NOSTRIN: variants seen among roughly 807,000 people sequenced by gnomAD.
NOSTRIN encodes the protein BM247 homolog.
A neutral mutation model predicts 59.0 loss-of-function variants in NOSTRIN; 63 were observed. The ratio of observed to expected loss-of-function variants is 1.07; its 90% CI spans 0.87 to 1.32. The LOEUF is 1.32. NOSTRIN is among the 40% of genes most tolerant of loss of function. NOSTRIN has a pLI of 0.00. For synonymous variants in NOSTRIN, 200 were observed against 165.4 expected (o/e 1.21, Z -1.61); for missense variants, 512 against 473.1 (o/e 1.08, Z -0.76).
At chr2:168,813,116 G>C (rs2105558038) in intron 2 of NOSTRIN, among the ~76,000 whole-genome samples, 1 of 152,290 alleles carries the variant, frequency 6.6e-6, no homozygotes, top group South Asian at 2.1e-4. Context: ...TCTTCTGTAA[G>C]AAAATATTGT....
intron 6 of NOSTRIN, among the ~76,000 whole-genome samples, chr2:168,833,154 T>C (rs1174226564): frequency 6.6e-6 from 1 of 152,212 alleles, no homozygotes; most frequent in Non-Finnish European, 1.5e-5. Context: ...TATTGGGCTA[T>C]AATAATTTTC....
intron 12 of NOSTRIN, among the ~76,000 whole-genome samples, chr2:168,857,235 G>T (rs1225430813): frequency 6.6e-6 from 1 of 152,166 alleles, no homozygotes; most frequent in African/African-American, 2.4e-5. Flanking sequence ...ATATTATTTA[G>T]TAAATACCAG....
intron 7 of NOSTRIN, among the ~76,000 whole-genome samples, chr2:168,838,635 A>G (rs1171937403): frequency 6.6e-6 from 1 of 152,070 alleles, no homozygotes; most frequent in East Asian, 1.9e-4. Context: ...TTTGTAACCA[A>G]CAAATCAGTC....
In NOSTRIN at chr2:168,837,300, CTTTTTTTTTTTTTTTT is replaced by C. The variant is rs761309524; in HGVS notation, c.504+2987_504+3002del. 2.7e-3 allele frequency among the ~76,000 whole-genome samples: 169 copies of C among 62,182 alleles called. 1 individual carries two copies. The highest frequency in any genetic ancestry group is 0.013 in the Middle Eastern group (1 of 80). The allele number at this position is 62,182 out of a possible 152,430, so 40.8% of individuals were successfully genotyped here. A position where few individuals can be genotyped will look rare whatever the true frequency, so the allele number is the denominator to read the frequency against. On this transcript the variant is annotated intron_variant, in intron 7 of 15. Transcript: ENST00000317647. ...TTTTTATAATACACTTTTTTAACAT[CTTTTTTTTTTTTTTTT>C]TTTTTTTTTTTGAGATGGAGTCTTG...
At chr2:168,812,004 C>T (rs575785399) in intron 2 of NOSTRIN, 8 of 162,072 alleles carry the variant, frequency 4.9e-5, no homozygotes, top group African/African-American at 1.4e-4. Flanking sequence ...TCTCTCCCCT[C>T]GAAGGGCAGA....
chr2:168,815,514 A>C (rs964517345), intron 2 of NOSTRIN, among the ~76,000 whole-genome samples: 2 of 152,250 alleles, frequency 1.3e-5, no homozygotes, highest in Non-Finnish European at 2.9e-5. Context: ...CTGGTTTTCA[A>C]ATGCCAAGAA....
chr2:168,825,121 G>A (rs1686988414), intron 3 of NOSTRIN, among the ~76,000 whole-genome samples: 1 of 152,154 alleles, frequency 6.6e-6, no homozygotes, highest in Non-Finnish European at 1.5e-5. Context: ...TCTAAACATG[G>A]CAAGTACATA....
At position 168,828,280 on chromosome 2, in the gene NOSTRIN, G is replaced by T. The variant is rs998989697; in HGVS notation, c.260+60G>T. On this transcript the variant is annotated intron_variant, in intron 4 of 15. Coordinates refer to ENST00000317647, the MANE Select transcript of NOSTRIN (RefSeq NM_001039724.4). Reference sequence around the variant, plus strand: ...AAAGGGAATCAAATATTTAAAGTGGGTTTGCTACAAATATTCCACTTCCAA... The same window carrying T: ...AAAGGGAATCAAATATTTAAAGTGGTTTTGCTACAAATATTCCACTTCCAA... The T allele has an allele frequency of 5.7e-6, 5 of 871,786 alleles. No individual in the cohort carries two copies. The African/African-American group carries it at 6.5e-5, about 11-fold the overall frequency. The allele number at this position is 871,786 out of a possible 1,614,324, so 54.0% of individuals were successfully genotyped here.
intron 2 of NOSTRIN, among the ~76,000 whole-genome samples, chr2:168,814,508 A>C (rs1686301967): frequency 6.6e-6 from 1 of 152,210 alleles, no homozygotes; most frequent in Non-Finnish European, 1.5e-5. Context: ...GTATTAGAAA[A>C]ATACCTGGAA....
chr2:168,822,384 T>C (rs1686795652), intron 2 of NOSTRIN, among the ~76,000 whole-genome samples: 1 of 152,222 alleles, frequency 6.6e-6, no homozygotes, highest in Non-Finnish European at 1.5e-5. Flanking sequence ...AATAGATCAA[T>C]AGCCCATCAT....
chr2:168,792,259 T>C (rs558513266), intron 2 of NOSTRIN, among the ~76,000 whole-genome samples: 1 of 152,288 alleles, frequency 6.6e-6, no homozygotes. Context: ...CATCTATGAC[T>C]TTCAAGAGTC....
chr2:168,798,103 A>G (rs1304669955), upstream of NOSTRIN: 11 of 151,350 alleles, frequency 7.3e-5, no homozygotes, highest in Admixed American at 2.6e-4. Context: ...AGTCATAAAT[A>G]CTTATTTGTA....
chr2:168,857,085 G>C (rs1156581702), intron 12 of NOSTRIN, among the ~76,000 whole-genome samples: 1 of 152,164 alleles, frequency 6.6e-6, no homozygotes, highest in Non-Finnish European at 1.5e-5. Flanking sequence ...AAAGCGACAG[G>C]AAACAAAGGA....
chr2:168,838,521 C>T (rs10930337), intron 7 of NOSTRIN, among the ~76,000 whole-genome samples: 35,007 of 152,014 alleles, frequency 0.23, 4,508 homozygotes, highest in East Asian at 0.29. Context: ...ATTACAGGCG[C>T]GAGCCACCGT....
chr2:168,860,279 G>A (rs376219164), intron 13 of NOSTRIN, among the ~76,000 whole-genome samples: 2 of 152,232 alleles, frequency 1.3e-5, no homozygotes, highest in African/African-American at 2.4e-5. Context: ...AGGCTATAAA[G>A]TATAGTAATT....
chr2:168,812,439 G>A (rs1686192472), intron 2 of NOSTRIN, among the ~76,000 whole-genome samples: 1 of 152,140 alleles, frequency 6.6e-6, no homozygotes, highest in Non-Finnish European at 1.5e-5. Context: ...TTTCTTTTCT[G>A]TCGCTTTTCA....
At chr2:168,798,763 G>C (rs1417170348), upstream of NOSTRIN, among the ~76,000 whole-genome samples, 2 of 152,162 alleles carry the variant, frequency 1.3e-5, no homozygotes, top group Non-Finnish European at 2.9e-5. Context: ...TTTTCAGAAA[G>C]TGTGAATGGC....
At chr2:168,794,868 T>C (rs1224822273), upstream of NOSTRIN, among the ~76,000 whole-genome samples, 1 of 152,278 alleles carries the variant, frequency 6.6e-6, no homozygotes, top group African/African-American at 2.4e-5. Context: ...TAGCTGGGAT[T>C]GCAGGTGTGC....
upstream of NOSTRIN, among the ~76,000 whole-genome samples, chr2:168,801,670 CCCTTGCCTGCCAGTCAAA>C (rs1215316442): frequency 6.6e-6 from 1 of 152,198 alleles, no homozygotes; most frequent in East Asian, 1.9e-4. Flanking sequence ...CTGGGGCCTG[CCCTTGCCTGCCAGTCAAA>C]CAGAACTGTC....
Sources: gnomAD v4.1 joint callset for allele counts (sites outside exome capture counted in the v4.1 genomes callset) on GRCh38, gnomAD v4.1.1 for gene constraint, MANE v1.5 for transcripts, NCBI Gene and HGNC (gene_info 2026-07-23, HGNC 2026-07-21) for gene names.